Variants in ERO1B observed in about 807,000 individuals in gnomAD.
ERO1B encodes the protein ERO1-like protein beta.
A neutral mutation model predicts 75.3 loss-of-function variants in ERO1B; 49 were observed. That is an observed-to-expected ratio of 0.65 (90% CI 0.52 to 0.83). The LOEUF (loss-of-function observed/expected upper bound fraction) is 0.83. Ranked by LOEUF, ERO1B falls within the 40% of genes least tolerant of loss-of-function variation. The pLI is 0.00. For synonymous variants in ERO1B, 191 were observed against 192.9 expected, an observed-to-expected ratio of 0.99 and a Z score of 0.08; for missense variants, 512 against 560.1, an observed-to-expected ratio of 0.91 and a Z score of 0.87.
At chr1:236,221,382 A>G (rs1360696743) in intron 14 of ERO1B, among the ~76,000 whole-genome samples, 1 of 152,160 alleles carries the variant, frequency 6.6e-6, no homozygotes, top group East Asian at 1.9e-4. Context: ...TTATTTCAGT[A>G]TAGCCTCCAC....
At chr1:236,256,932 C>T (rs1475205944) in intron 2 of ERO1B, among the ~76,000 whole-genome samples, 1 of 151,952 alleles carries the variant, frequency 6.6e-6, no homozygotes, top group East Asian at 1.9e-4. Flanking sequence ...AAAAAGTCAC[C>T]AGTTAGATCA....
chr1:236,230,649 T>G (rs1428581428), intron 9 of ERO1B, among the ~76,000 whole-genome samples: 1 of 149,348 alleles, frequency 6.7e-6, no homozygotes, highest in Non-Finnish European at 1.5e-5. Context: ...TATGACAGAT[T>G]AAGTAATCTC....
rs1664289069 is a variant in ERO1B at position 236,226,712 on chromosome 1, T to C, written c.740A>G (p.Tyr247Cys). ...AGCATGAAGTCCCGATATAAGCTTA[T>C]AGAAGACTCTTTTCTCCAGACACAA... is the stretch of plus-strand genomic sequence containing the variant. ...EGLCLEKRVF[Y>C]KLISGLHASI... The change falls in exon 11 of 16, where the codon TAT (tyrosine) becomes TGT (cysteine). Residue 247 changes from tyrosine (Y) to cysteine (C), a missense_variant. Transcript: ENST00000354619. 6.2e-7 allele frequency: 1 copy of C among 1,611,850 alleles called. No individual in the cohort carries two copies. Among genetic ancestry groups the C allele is most frequent in the South Asian group, 1.1e-5 (1 of 90,232 alleles).
At chr1:236,220,987 T>A in intron 14 of ERO1B, 22 bp from the exon 15 acceptor site, 2 of 1,462,914 alleles carry the variant, frequency 1.4e-6, no homozygotes, top group Non-Finnish European at 1.8e-6. Flanking sequence ...AGCAATAAAC[T>A]CATAATTAAC....
At chr1:236,268,523 C>T (rs747815706) in intron 2 of ERO1B, among the ~76,000 whole-genome samples, 47 of 152,102 alleles carry the variant, frequency 3.1e-4, no homozygotes, top group Admixed American at 8.5e-4. Flanking sequence ...ATTGATCAAT[C>T]GATAGATCAC....
rs541560741 is a variant in ERO1B at position 236,231,420 on chromosome 1, C to CA, written c.686-1171dup. ...TTGCTGCGATTTTAAGTGTTTTCGC[C>CA]AAAAAAATGGTATGTGAGCTAATTA... On this transcript the variant is annotated intron_variant, in intron 9 of 15. Transcript: ENST00000354619. 5.2e-3 allele frequency among the ~76,000 whole-genome samples: 741 copies of CA among 141,336 alleles called. 5 individuals carry two copies. The highest frequency in any genetic ancestry group is 0.012 in the Middle Eastern group (3 of 256). 92.7% of individuals were successfully genotyped at this position (141,336 alleles called of 152,430 possible).
At chr1:236,255,184 C>A (rs1472212485) in intron 2 of ERO1B, among the ~76,000 whole-genome samples, 1 of 151,936 alleles carries the variant, frequency 6.6e-6, no homozygotes, top group Non-Finnish European at 1.5e-5. Context: ...CATCCACCCA[C>A]CTCAGACTCC....
chr1:236,280,985 C>T (rs1665816575), intron 1 of ERO1B, among the ~76,000 whole-genome samples: 3 of 152,212 alleles, frequency 2.0e-5, no homozygotes, highest in Admixed American at 2.0e-4. Context: ...TTCACATCAA[C>T]AACCAGCCAG....
chr1:236,263,413 T>A (rs943185621), intron 2 of ERO1B, among the ~76,000 whole-genome samples: 3 of 152,006 alleles, frequency 2.0e-5, no homozygotes, highest in African/African-American at 7.2e-5. Context: ...CACGCCTGGC[T>A]AATTTTTTGT....
At chr1:236,239,797 ATATATATATGTGTG>A (rs1314342827) in intron 6 of ERO1B, among the ~76,000 whole-genome samples, 1 of 135,706 alleles carries the variant, frequency 7.4e-6, no homozygotes, top group Non-Finnish European at 1.6e-5. Context: ...AAGTATATAT[ATATATATATGTGTG>A]TATATATATA....
intron 3 of ERO1B, among the ~76,000 whole-genome samples, chr1:236,253,022 C>T (rs1665072486): frequency 6.6e-6 from 1 of 151,480 alleles, no homozygotes; most frequent in Non-Finnish European, 1.5e-5. Context: ...CTGAAATTTC[C>T]CCAATTAAAT....
Position 236,217,358 on chromosome 1 carries a change from TGGTATGAATCACAGAAAGTCCTC to T in ERO1B, c.*1135_*1157del, listed in dbSNP as rs1253332582. Reference sequence around the variant, plus strand: ...TTAGAAAATGACAGTTTAGGACTGTTGGTATGAATCACAGAAAGTCCTCTGTTGGTATGAATCACAGAAAGTAC... The same window carrying T: ...TTAGAAAATGACAGTTTAGGACTGTTTGTTGGTATGAATCACAGAAAGTAC... On this transcript the variant is annotated 3_prime_UTR_variant, in exon 16 of 16. Transcript: ENST00000354619. 1 of 43,848 alleles carries T rather than the reference TGGTATGAATCACAGAAAGTCCTC, an allele frequency of 2.3e-5. No homozygotes were observed. Among genetic ancestry groups the T allele is most frequent in the Non-Finnish European group, 4.3e-5 (1 of 23,484 alleles). 2.7% of individuals were successfully genotyped at this position (43,848 alleles called of 1,614,324 possible).
At chr1:236,280,970 A>G (rs1558526020) in intron 1 of ERO1B, among the ~76,000 whole-genome samples, 1 of 152,192 alleles carries the variant, frequency 6.6e-6, no homozygotes, top group Non-Finnish European at 1.5e-5. Context: ...ACTTGTAATC[A>G]TCGCTTCACA....
Position 236,216,167 on chromosome 1 carries a change from A to G in ERO1B, c.*2349T>C, listed in dbSNP as rs1185927209. 6.6e-6 allele frequency: 1 copy of G among 152,144 alleles called. No homozygotes were observed. Among genetic ancestry groups the G allele is most frequent in the Non-Finnish European group, 1.5e-5 (1 of 67,996 alleles). 9.4% of individuals were successfully genotyped at this position (152,144 alleles called of 1,614,324 possible). On this transcript the variant is annotated 3_prime_UTR_variant, in exon 16 of 16. Transcript: ENST00000354619. ...AGGAAGGAATATTTTCCTTTTCTTC[A>G]TTTTCATTACTTCATCAGTGGGTAC... is the stretch of plus-strand genomic sequence containing the variant.
In ERO1B at chr1:236,249,953, T is replaced by C. The variant is rs1351722676; in HGVS notation, c.363A>G (p.Ala121=). The C allele has an allele frequency of 6.2e-7, 1 of 1,601,490 alleles. No homozygotes were observed. Residue 121 remains alanine (A), a synonymous_variant, in exon 5 of 16, where the codon GCA becomes GCG. Transcript: ENST00000354619. ...AGHSNKYLKM[A]NNTKELEDCE... is the part of the protein sequence containing the mutation. ...AATCTTCTAATTCTTTGGTATTGTTTGCCATTTTCAAGTACTGCAAAGAAG... is the reference window on the plus strand; with the variant it reads ...AATCTTCTAATTCTTTGGTATTGTTCGCCATTTTCAAGTACTGCAAAGAAG...
intron 8 of ERO1B, among the ~76,000 whole-genome samples, chr1:236,234,109 G>C (rs1405591968): frequency 2.6e-5 from 4 of 152,172 alleles, no homozygotes; most frequent in Non-Finnish European, 5.9e-5. Flanking sequence ...GGAGATAGCA[G>C]GTAAATAGCA....
intron 13 of ERO1B, among the ~76,000 whole-genome samples, chr1:236,223,738 A>G (rs762410394): frequency 1.3e-5 from 2 of 152,214 alleles, no homozygotes; most frequent in East Asian, 1.9e-4. Flanking sequence ...ATTACACAAG[A>G]TCATTCTGAA....
At chr1:236,242,963 G>A (rs1349393369) in intron 6 of ERO1B, among the ~76,000 whole-genome samples, 3 of 152,162 alleles carry the variant, frequency 2.0e-5, no homozygotes. Context: ...ATCTTTACAT[G>A]AGTTTGTTAA....
rs1320287413 is a variant in ERO1B, at chr1:236,216,422, A to G, written c.*2094T>C. On this transcript the variant is annotated 3_prime_UTR_variant, in exon 16 of 16. Transcript: ENST00000354619. ...TAAGAAATAAAAACACATACACAAA[A>G]ATGTAGGCTGCCCCTACAATCTAAT... 1 of 152,140 alleles carries G rather than the reference A, an allele frequency of 6.6e-6. No individual in the cohort carries two copies. Among genetic ancestry groups the G allele is most frequent in the East Asian group, 1.9e-4 (1 of 5,196 alleles). The allele number at this position is 152,140 out of a possible 1,614,324, so 9.4% of individuals were successfully genotyped here.
Sources: gnomAD v4.1 joint callset for allele counts (sites outside exome capture counted in the v4.1 genomes callset) on GRCh38, gnomAD v4.1.1 for gene constraint, MANE v1.5 for transcripts, NCBI Gene and HGNC (gene_info 2026-07-23, HGNC 2026-07-21) for gene names.